Variants in NTM observed in about 807,000 individuals in gnomAD.
The protein encoded by NTM is IgLON family member 2.
A neutral mutation model predicts 42.1 loss-of-function variants in NTM; 13 were observed. The ratio of observed to expected loss-of-function variants is 0.31; its 90% CI spans 0.20 to 0.49. The LOEUF (loss-of-function observed/expected upper bound fraction) is 0.49. Ranked by LOEUF, NTM falls within the 20% of genes least tolerant of loss-of-function variation. The pLI is 0.99. For missense variants in NTM, 373 were observed against 452.8 expected (o/e 0.82, Z 1.60); for synonymous variants, 187 against 179.2 (o/e 1.04, Z -0.35).
chr11:132,260,124 A>G (rs1236191112), intron 4 of NTM, among the ~76,000 whole-genome samples: 1 of 152,154 alleles, frequency 6.6e-6, no homozygotes, highest in East Asian at 1.9e-4. Context: ...TTATTTTGTG[A>G]CTTTCTAATT....
At chr11:132,119,081 G>A (rs1591630590) in intron 2 of NTM, among the ~76,000 whole-genome samples, 2 of 152,094 alleles carry the variant, frequency 1.3e-5, no homozygotes, top group East Asian at 3.9e-4. Context: ...CCATGCTCTG[G>A]GCCCTGGGAC....
chr11:132,252,043 T>C (rs1332145088), intron 4 of NTM, among the ~76,000 whole-genome samples: 1 of 152,146 alleles, frequency 6.6e-6, no homozygotes, highest in Admixed American at 6.5e-5. Context: ...TGGAATGTCT[T>C]GAAAGCAGGT....
chr11:131,946,221 A>G (rs951180910), intron 2 of NTM, among the ~76,000 whole-genome samples: 5 of 152,010 alleles, frequency 3.3e-5, no homozygotes, highest in Admixed American at 2.6e-4. Context: ...ACGTGGGGGA[A>G]TGGACTGCTG....
At chr11:132,264,724 T>C (rs1223746136) in intron 4 of NTM, among the ~76,000 whole-genome samples, 1 of 152,210 alleles carries the variant, frequency 6.6e-6, no homozygotes, top group Non-Finnish European at 1.5e-5. Context: ...ATCTTATATT[T>C]ACATACCACT....
intron 1 of NTM, among the ~76,000 whole-genome samples, chr11:131,702,175 A>G (rs1027452257): frequency 6.6e-6 from 1 of 152,112 alleles, no homozygotes; most frequent in African/African-American, 2.4e-5. Flanking sequence ...CACATCTTCC[A>G]TCTCACTTTC....
chr11:132,022,159 G>A (rs767197300), intron 2 of NTM, among the ~76,000 whole-genome samples: 4 of 152,214 alleles, frequency 2.6e-5, no homozygotes, highest in Non-Finnish European at 5.9e-5. Flanking sequence ...CTCCATGACT[G>A]AGCTGGGGCT....
chr11:132,216,714 A>G (rs2138762244), intron 4 of NTM, among the ~76,000 whole-genome samples: 1 of 152,336 alleles, frequency 6.6e-6, no homozygotes, highest in Non-Finnish European at 1.5e-5. Flanking sequence ...GAAGTGTTTA[A>G]TAAATATTGG....
At chr11:131,757,148 G>A (rs888975484) in intron 1 of NTM, among the ~76,000 whole-genome samples, 3 of 152,180 alleles carry the variant, frequency 2.0e-5, no homozygotes, top group Admixed American at 2.0e-4. Context: ...TCTCCTTTGT[G>A]ATTCCAGTTT....
chr11:131,917,994 C>T (rs781682569), intron 2 of NTM, among the ~76,000 whole-genome samples: 1 of 152,258 alleles, frequency 6.6e-6, no homozygotes, highest in Non-Finnish European at 1.5e-5. Flanking sequence ...AGTTCTCTAA[C>T]ACCCCTCATC....
chr11:131,551,628 T>C (rs1453059688), intron 1 of NTM, among the ~76,000 whole-genome samples: 1 of 152,180 alleles, frequency 6.6e-6, no homozygotes, highest in Non-Finnish European at 1.5e-5. Context: ...GTGAACATCC[T>C]TGTGTATGTT....
At chr11:131,538,921 CTTTTTTTTTTT>C (rs58463755) in intron 1 of NTM, among the ~76,000 whole-genome samples, 2 of 102,390 alleles carry the variant, frequency 2.0e-5, no homozygotes, top group African/African-American at 6.8e-5. Flanking sequence ...GTTAACTTAG[CTTTTTTTTTTT>C]TTTTTTTTTA....
chr11:132,315,796 T>C (rs2095413081), intron 7 of NTM, among the ~76,000 whole-genome samples: 1 of 152,114 alleles, frequency 6.6e-6, no homozygotes, highest in Non-Finnish European at 1.5e-5. Flanking sequence ...CCCAGCTTTA[T>C]CTGAGAGAGC....
At chr11:131,818,746 T>C (rs1175974448) in intron 1 of NTM, among the ~76,000 whole-genome samples, 1 of 152,204 alleles carries the variant, frequency 6.6e-6, no homozygotes, top group African/African-American at 2.4e-5. Flanking sequence ...CTATCGTGCT[T>C]TTACACTTAC....
At chr11:131,597,019 C>G (rs1389149919) in intron 1 of NTM, among the ~76,000 whole-genome samples, 1 of 152,112 alleles carries the variant, frequency 6.6e-6, no homozygotes, top group African/African-American at 2.4e-5. Context: ...CATTTTCCTG[C>G]CTGCTTGTAT....
chr11:131,884,617 A>G (rs2050085246), intron 1 of NTM, among the ~76,000 whole-genome samples: 1 of 152,092 alleles, frequency 6.6e-6, no homozygotes, highest in Non-Finnish European at 1.5e-5. Context: ...TCCACAAATA[A>G]ACAATCCTTG....
At chr11:131,930,433 G>C (rs1257304694) in intron 2 of NTM, among the ~76,000 whole-genome samples, 1 of 152,120 alleles carries the variant, frequency 6.6e-6, no homozygotes, top group Admixed American at 6.5e-5. Flanking sequence ...ATGCTTCCTC[G>C]AGGAGCACAA....
chr11:132,079,058 C>T (rs141395668), intron 2 of NTM, among the ~76,000 whole-genome samples: 9 of 152,264 alleles, frequency 5.9e-5, no homozygotes, highest in Admixed American at 2.6e-4. Context: ...GCTTGGTGAG[C>T]GCGAGCCCAC....
chr11:131,835,800 A>G (rs75273567), intron 1 of NTM, among the ~76,000 whole-genome samples: 4,309 of 152,270 alleles, frequency 0.028, 192 homozygotes, highest in African/African-American at 0.098. Context: ...TTTTAACTCC[A>G]AACTGGAAGC....
intron 1 of NTM, among the ~76,000 whole-genome samples, chr11:131,874,065 A>ATATATATATATATATC (rs1565659857): frequency 4.0e-4 from 24 of 60,186 alleles, no homozygotes; most frequent in African/African-American, 9.5e-4. Flanking sequence ...ATATATATAT[A>ATATATATATATATATC]TATCAGCAAC....
Sources: gnomAD v4.1 joint callset for allele counts (sites outside exome capture counted in the v4.1 genomes callset) on GRCh38, gnomAD v4.1.1 for gene constraint, MANE v1.5 for transcripts, NCBI Gene and HGNC (gene_info 2026-07-23, HGNC 2026-07-21) for gene names.